Variants in CDH12 observed in about 807,000 individuals in gnomAD.
CDH12 encodes the protein cadherin 12.
Under a neutral mutation model 74.1 loss-of-function variants are expected in CDH12, and 41 were observed. The observed-to-expected ratio is 0.55, with a 90% CI of 0.43 to 0.72. CDH12 has a LOEUF of 0.72. CDH12 is among the 30% of genes least tolerant of loss of function. The pLI is 0.00. For missense variants in CDH12, 945 were observed against 977.2 expected (o/e 0.97, Z 0.44); for synonymous variants, 399 against 355.0 (o/e 1.12, Z -1.39).
At chr5:22,169,842 G>A (rs1748918143) in intron 4 of CDH12, among the ~76,000 whole-genome samples, 1 of 151,780 alleles carries the variant, frequency 6.6e-6, no homozygotes, top group South Asian at 2.1e-4. Context: ...CTTGTTTAAG[G>A]TCATAGATTT....
intron 1 of CDH12, among the ~76,000 whole-genome samples, chr5:22,719,512 G>C (rs529589901): frequency 1.3e-5 from 2 of 152,248 alleles, no homozygotes; most frequent in South Asian, 4.1e-4. Flanking sequence ...GACTGCAAAT[G>C]TGTGTCTAGT....
At chr5:22,062,165 C>T (rs1741233008) in intron 5 of CDH12, among the ~76,000 whole-genome samples, 1 of 152,122 alleles carries the variant, frequency 6.6e-6, no homozygotes, top group African/African-American at 2.4e-5. Flanking sequence ...GAACTTCATT[C>T]AAGGTCCCGC....
At chr5:21,908,722 A>C (rs1753744183) in intron 6 of CDH12, among the ~76,000 whole-genome samples, 1 of 152,140 alleles carries the variant, frequency 6.6e-6, no homozygotes, top group African/African-American at 2.4e-5. Context: ...AAGGGCACAA[A>C]AGTGGGAAGG....
intron 1 of CDH12, among the ~76,000 whole-genome samples, chr5:22,640,787 C>T (rs1009700827): frequency 3.3e-5 from 5 of 152,136 alleles, no homozygotes; most frequent in Non-Finnish European, 5.9e-5. Flanking sequence ...TCATTATCCA[C>T]GCATTGTTAT....
chr5:22,591,633 A>G (rs1383905383), intron 1 of CDH12, among the ~76,000 whole-genome samples: 1 of 152,136 alleles, frequency 6.6e-6, no homozygotes, highest in Non-Finnish European at 1.5e-5. Flanking sequence ...CTCATTCAGT[A>G]TCTTAGTTTC....
At chr5:22,005,005 A>AT (rs1302903878) in intron 5 of CDH12, among the ~76,000 whole-genome samples, 1 of 152,088 alleles carries the variant, frequency 6.6e-6, no homozygotes, top group Admixed American at 6.6e-5. Context: ...TATATGTACC[A>AT]TATTTTCTTT....
intron 6 of CDH12, among the ~76,000 whole-genome samples, chr5:21,949,274 C>A (rs1755718377): frequency 6.6e-6 from 1 of 151,594 alleles, no homozygotes; most frequent in Admixed American, 6.6e-5. Context: ...CATGGTGAAA[C>A]CCCATCTCTA....
chr5:22,395,150 A>G, intron 3 of CDH12, among the ~76,000 whole-genome samples: 1 of 152,196 alleles, frequency 6.6e-6, no homozygotes, highest in East Asian at 1.9e-4. Context: ...CAGGATCTAA[A>G]TCCAATAGCA....
chr5:21,938,726 A>ATATATATATATATATATC (rs2150087806), intron 6 of CDH12, among the ~76,000 whole-genome samples: 1 of 120,192 alleles, frequency 8.3e-6, no homozygotes, highest in African/African-American at 4.2e-5. Context: ...TAATATACAT[A>ATATATATATATATATATC]TATATATATA....
intron 6 of CDH12, among the ~76,000 whole-genome samples, chr5:21,900,435 A>C (rs1328625696): frequency 6.6e-6 from 1 of 152,200 alleles, no homozygotes; most frequent in Non-Finnish European, 1.5e-5. Flanking sequence ...AAATAATTAA[A>C]ATGCCAAAGG....
chr5:22,093,374 A>C (rs555581643), intron 4 of CDH12, among the ~76,000 whole-genome samples: 1 of 152,314 alleles, frequency 6.6e-6, no homozygotes, highest in Admixed American at 6.5e-5. Flanking sequence ...AACTAAGGGT[A>C]CATATAAAAA....
intron 5 of CDH12, among the ~76,000 whole-genome samples, chr5:21,981,782 A>G (rs1757316616): frequency 1.3e-5 from 2 of 152,154 alleles, no homozygotes; most frequent in Non-Finnish European, 2.9e-5. Context: ...CCTGGGCTCA[A>G]GTGATCCTCC....
intron 8 of CDH12, among the ~76,000 whole-genome samples, chr5:21,818,674 T>C (rs1659428396): frequency 1.3e-5 from 2 of 151,976 alleles, no homozygotes; most frequent in African/African-American, 2.4e-5. Context: ...TTATTTTACA[T>C]ATAAGACAAA....
At chr5:22,507,457 T>G (rs1001965988) in intron 1 of CDH12, among the ~76,000 whole-genome samples, 1 of 152,138 alleles carries the variant, frequency 6.6e-6, no homozygotes, top group Non-Finnish European at 1.5e-5. Flanking sequence ...TATAAAAGTT[T>G]AGTAGAAAAT....
chr5:22,569,365 G>T (rs763259771), intron 1 of CDH12, among the ~76,000 whole-genome samples: 49 of 152,106 alleles, frequency 3.2e-4, no homozygotes, highest in Non-Finnish European at 6.2e-4. Flanking sequence ...TGACATGCTT[G>T]CTCTTGCCTC....
chr5:22,256,829 C>T (rs1180895717), intron 3 of CDH12, among the ~76,000 whole-genome samples: 4 of 152,094 alleles, frequency 2.6e-5, no homozygotes, highest in African/African-American at 9.7e-5. Context: ...CCAGCAATCC[C>T]ATTACTAGGG....
chr5:21,905,252 C>T (rs1347234725), intron 6 of CDH12, among the ~76,000 whole-genome samples: 1 of 152,140 alleles, frequency 6.6e-6, no homozygotes, highest in Non-Finnish European at 1.5e-5. Context: ...GTTTTTAAAA[C>T]TCAAACTATA....
At chr5:22,676,684 A>G (rs1741207804) in intron 1 of CDH12, among the ~76,000 whole-genome samples, 1 of 152,226 alleles carries the variant, frequency 6.6e-6, no homozygotes, top group Non-Finnish European at 1.5e-5. Context: ...ACCTTGCTCC[A>G]GACCCTAGGT....
chr5:21,773,383 G>A lies in CDH12; in HGVS notation c.1394-8284C>T, dbSNP rs554369050. ...CCTCCATCTAATCAACTGCCAGTGG[G>A]GTTAGGATAAAAGAAGGCAGAAGAA... On this transcript the variant is annotated intron_variant, in intron 11 of 14. Coordinates refer to ENST00000382254, the MANE Select transcript of CDH12 (RefSeq NM_004061.5). Among the ~76,000 whole-genome samples the A allele has an allele frequency of 4.1e-3, 629 of 152,238 alleles. 5 individuals are homozygous for A. Among genetic ancestry groups the A allele is most frequent in the African/African-American group, 0.014 (582 of 41,534 alleles).
Sources: allele counts gnomAD v4.1 joint callset (sites outside exome capture counted in the v4.1 genomes callset), GRCh38; gene constraint gnomAD v4.1.1; transcripts MANE v1.5; gene names NCBI Gene and HGNC (gene_info 2026-07-23, HGNC 2026-07-21).